ANKS1B: variants seen among roughly 807,000 people sequenced by gnomAD.
ANKS1B encodes ankyrin repeat and sterile alpha motif domain-containing protein 1B.
A neutral mutation model predicts 148.3 loss-of-function variants in ANKS1B; 36 were observed. The ratio of observed to expected loss-of-function variants is 0.24; its 90% CI spans 0.19 to 0.32. The LOEUF (loss-of-function observed/expected upper bound fraction) is 0.32, where lower values mean the gene tolerates loss of function less well. ANKS1B is among the 10% of genes least tolerant of loss of function. The pLI is 1.00. For missense variants in ANKS1B, 1,157 were observed against 1,542.6 expected, an observed-to-expected ratio of 0.75 and a Z score of 4.19; for synonymous variants, 542 against 560.8, an observed-to-expected ratio of 0.97 and a Z score of 0.47.
intron 17 of ANKS1B, among the ~76,000 whole-genome samples, chr12:98,934,949 C>T (rs1397023551): frequency 6.6e-6 from 1 of 151,842 alleles, no homozygotes; most frequent in Non-Finnish European, 1.5e-5. Flanking sequence ...TCACTTCTTC[C>T]CTTTCAATTT....
intron 17 of ANKS1B, among the ~76,000 whole-genome samples, chr12:98,930,073 T>C (rs1342872692): frequency 3.3e-5 from 5 of 152,104 alleles, no homozygotes; most frequent in African/African-American, 9.7e-5. Context: ...ATATAATTAA[T>C]TGTTATAGCT....
intron 17 of ANKS1B, among the ~76,000 whole-genome samples, chr12:99,025,461 T>C (rs1422779147): frequency 6.6e-6 from 1 of 152,182 alleles, no homozygotes; most frequent in Non-Finnish European, 1.5e-5. Context: ...TGAAATAGAA[T>C]AGTGGATTTA....
chr12:99,920,650 G>A (rs890966074), intron 1 of ANKS1B, among the ~76,000 whole-genome samples: 3 of 152,098 alleles, frequency 2.0e-5, no homozygotes, highest in Non-Finnish European at 2.9e-5. Flanking sequence ...CCGGTGGTGC[G>A]ATTCAGACCA....
In ANKS1B at chr12:99,599,916, C is replaced by T. The variant is rs555135765; in HGVS notation, c.1272+55151G>A. Among the ~76,000 whole-genome samples, 106 of 150,964 alleles carry T rather than the reference C, an allele frequency of 7.0e-4. 2 individuals are homozygous for T. Among genetic ancestry groups the T allele is most frequent in the Non-Finnish European group, 6.2e-4 (42 of 67,354 alleles). ...TTTAGAGATCTAGATTTAGGAATCACTGGCCATGAGTATAGTTGAAAGTAT... is the reference window on the plus strand; with the variant it reads ...TTTAGAGATCTAGATTTAGGAATCATTGGCCATGAGTATAGTTGAAAGTAT... On this transcript the variant is annotated intron_variant, in intron 9 of 26. Transcript: ENST00000683438.
intron 17 of ANKS1B, among the ~76,000 whole-genome samples, chr12:99,037,514 T>A (rs918208871): frequency 9.3e-5 from 14 of 150,340 alleles, no homozygotes; most frequent in Non-Finnish European, 1.6e-4. Flanking sequence ...AAAAAAAAAA[T>A]TCTTACAGAA....
intron 19 of ANKS1B, among the ~76,000 whole-genome samples, chr12:98,822,161 T>C (rs2099200918): frequency 6.6e-6 from 1 of 152,134 alleles, no homozygotes; most frequent in Non-Finnish European, 1.5e-5. Context: ...GTTACTTACA[T>C]GCATCTGGAA....
intron 8 of ANKS1B, among the ~76,000 whole-genome samples, chr12:99,658,146 A>G (rs1213769719): frequency 6.6e-6 from 1 of 152,132 alleles, no homozygotes; most frequent in Non-Finnish European, 1.5e-5. Flanking sequence ...TTGTCTGCAC[A>G]GCGTATTGTA....
At chr12:99,667,728 G>A (rs2098516439) in intron 8 of ANKS1B, among the ~76,000 whole-genome samples, 1 of 152,158 alleles carries the variant, frequency 6.6e-6, no homozygotes, top group South Asian at 2.1e-4. Flanking sequence ...ATAAGGTTGA[G>A]CAAATTATTC....
At chr12:99,011,970 GT>G (rs2099939691) in intron 17 of ANKS1B, among the ~76,000 whole-genome samples, 1 of 152,204 alleles carries the variant, frequency 6.6e-6, no homozygotes, top group Non-Finnish European at 1.5e-5. Context: ...TCAAGGGAAA[GT>G]TGTATCACTG....
intron 14 of ANKS1B, among the ~76,000 whole-genome samples, chr12:99,234,601 T>G (rs557297947): frequency 1.3e-5 from 2 of 152,296 alleles, no homozygotes; most frequent in Middle Eastern, 3.4e-3. Flanking sequence ...AAATTTAATA[T>G]GTATCTGCAT....
intron 9 of ANKS1B, among the ~76,000 whole-genome samples, chr12:99,534,854 C>A (rs896558220): frequency 6.6e-6 from 1 of 151,736 alleles, no homozygotes; most frequent in East Asian, 1.9e-4. Context: ...GGACTACAGG[C>A]ACCTGCCACC....
chr12:99,753,156 C>T (rs892613897), intron 8 of ANKS1B, among the ~76,000 whole-genome samples: 4 of 151,966 alleles, frequency 2.6e-5, no homozygotes, highest in Non-Finnish European at 5.9e-5. Context: ...TGAGAGTCTC[C>T]ATCTGTTCAA....
rs150242817 is a variant in ANKS1B at position 99,172,591 on chromosome 12, A to G, written c.2420-18196T>C. Among the ~76,000 whole-genome samples the G allele has an allele frequency of 3.8e-3, 581 of 152,330 alleles. 4 individuals are homozygous for G. The highest frequency in any genetic ancestry group is 0.014 in the African/African-American group (565 of 41,582). On this transcript the variant is annotated intron_variant, in intron 14 of 26. Coordinates refer to ENST00000683438, the MANE Select transcript of ANKS1B (RefSeq NM_001352186.2). ...ATTTAGTCTGCCATGCCTCAGCTGC[A>G]GAAGTCAGACATGAGAGGATTCTTC...
At chr12:99,552,706 A>C (rs1216161041) in intron 9 of ANKS1B, among the ~76,000 whole-genome samples, 1 of 152,228 alleles carries the variant, frequency 6.6e-6, no homozygotes, top group East Asian at 1.9e-4. Context: ...GATTGATTCC[A>C]AGACACCACT....
intron 12 of ANKS1B, among the ~76,000 whole-genome samples, chr12:99,263,143 C>A (rs2076097883): frequency 6.6e-6 from 1 of 151,868 alleles, no homozygotes; most frequent in Non-Finnish European, 1.5e-5. Context: ...GTTAAGTAAC[C>A]AATCAGGGTT....
chr12:99,050,690 CTTTTTTTTTTT>C (rs62812561), intron 17 of ANKS1B, among the ~76,000 whole-genome samples: 15 of 113,590 alleles, frequency 1.3e-4, no homozygotes, highest in African/African-American at 4.7e-4. Flanking sequence ...TTTTCTTTTT[CTTTTTTTTTTT>C]TTTTTTTTGA....
At chr12:99,183,697 T>C (rs1014280815) in intron 14 of ANKS1B, among the ~76,000 whole-genome samples, 6 of 152,058 alleles carry the variant, frequency 3.9e-5, no homozygotes, top group Non-Finnish European at 5.9e-5. Flanking sequence ...GTTTGGGAAA[T>C]AGAGGGCAAA....
chr12:98,854,964 C>A (rs1259160521), intron 17 of ANKS1B, among the ~76,000 whole-genome samples: 2 of 151,616 alleles, frequency 1.3e-5, no homozygotes, highest in Non-Finnish European at 2.9e-5. Flanking sequence ...TCGAGACCAT[C>A]CTGGCTAACA....
chr12:99,921,920 A>T (rs1317640792), intron 1 of ANKS1B, among the ~76,000 whole-genome samples: 2 of 152,150 alleles, frequency 1.3e-5, no homozygotes, highest in Admixed American at 6.5e-5. Context: ...TAATTACAGC[A>T]AGCACTTTTC....
Sources: gnomAD v4.1 joint callset for allele counts (sites outside exome capture counted in the v4.1 genomes callset) on GRCh38, gnomAD v4.1.1 for gene constraint, MANE v1.5 for transcripts, NCBI Gene and HGNC (gene_info 2026-07-23, HGNC 2026-07-21) for gene names.